THEMIS: variants seen among roughly 807,000 people sequenced by gnomAD.
THEMIS encodes the protein protein THEMIS.
A neutral mutation model predicts 52.6 loss-of-function variants in THEMIS; 37 were observed. The ratio of observed to expected loss-of-function variants is 0.70; its 90% confidence interval spans 0.54 to 0.93. The LOEUF is 0.93. Among genes scored for constraint, THEMIS ranks in the 40% least tolerant of loss-of-function variants. The pLI, the probability that THEMIS is intolerant of heterozygous loss-of-function variation, is 0.00. For synonymous variants in THEMIS, 292 were observed against 272.7 expected, an observed-to-expected ratio of 1.07 and a Z score of -0.70; for missense variants, 808 against 763.1, an observed-to-expected ratio of 1.06 and a Z score of -0.69.
intron 4 of THEMIS, among the ~76,000 whole-genome samples, chr6:127,739,036 G>C (rs976510884): frequency 1.3e-5 from 2 of 152,116 alleles, no homozygotes; most frequent in African/African-American, 4.8e-5. Context: ...ACCATTGCAA[G>C]CCCTGTCTTC....
intron 1 of THEMIS, among the ~76,000 whole-genome samples, chr6:127,885,798 C>CA (rs921598326): frequency 6.6e-6 from 1 of 152,108 alleles, no homozygotes; most frequent in African/African-American, 2.4e-5. Flanking sequence ...CTGAGTTAAA[C>CA]ACAACTATGC....
intron 4 of THEMIS, among the ~76,000 whole-genome samples, chr6:127,732,409 A>G (rs1022355782): frequency 6.6e-6 from 1 of 152,150 alleles, no homozygotes; most frequent in Non-Finnish European, 1.5e-5. Flanking sequence ...ACAATAGTAT[A>G]TAATACTTTC....
In THEMIS at chr6:127,741,464, C is replaced by T. The variant is rs184271911; in HGVS notation, c.1759-21641G>A. On this transcript the variant is annotated intron_variant, in intron 4 of 5. Coordinates refer to ENST00000368248, the MANE Select transcript of THEMIS (RefSeq NM_001010923.3). The stretch of plus-strand genomic sequence containing the variant: ...ATATATTATGTACCACACTCCATAA[C>T]AAAATAAAGATGCAAAAATAAACCA... Among the ~76,000 whole-genome samples the T allele has an allele frequency of 9.9e-5, 15 of 152,108 alleles. No individual in the cohort carries two copies. The East Asian group carries it at 2.5e-3, about 25-fold the overall frequency.
At chr6:127,727,071 T>C (rs1284165021) in intron 4 of THEMIS, among the ~76,000 whole-genome samples, 1 of 152,226 alleles carries the variant, frequency 6.6e-6, no homozygotes, top group Non-Finnish European at 1.5e-5. Flanking sequence ...TTAGAGACGC[T>C]ATGGCAAGTG....
chr6:127,725,724 T>G (rs1024362378), intron 4 of THEMIS, among the ~76,000 whole-genome samples: 1 of 152,100 alleles, frequency 6.6e-6, no homozygotes, highest in Non-Finnish European at 1.5e-5. Context: ...ATACTCAAAC[T>G]GCCCTTTCTG....
chr6:127,846,044 A>G (rs1779202665), intron 2 of THEMIS, among the ~76,000 whole-genome samples: 2 of 151,926 alleles, frequency 1.3e-5, no homozygotes, highest in Non-Finnish European at 2.9e-5. Context: ...TTCCCAAATG[A>G]ACAACAGAGC....
intron 4 of THEMIS, among the ~76,000 whole-genome samples, chr6:127,778,769 C>T (rs1427419499): frequency 6.7e-6 from 1 of 150,218 alleles, no homozygotes; most frequent in African/African-American, 2.4e-5. Flanking sequence ...GACAGTACTT[C>T]ATCCAGTTCG....
chr6:127,761,020 T>C (rs1776004191), intron 4 of THEMIS, among the ~76,000 whole-genome samples: 3 of 152,040 alleles, frequency 2.0e-5, no homozygotes, highest in South Asian at 4.1e-4. Flanking sequence ...ACCTATAGAA[T>C]GGGAGAAAAT....
At chr6:127,886,151 T>C (rs1780638063) in intron 1 of THEMIS, among the ~76,000 whole-genome samples, 1 of 152,144 alleles carries the variant, frequency 6.6e-6, no homozygotes, top group Non-Finnish European at 1.5e-5. Flanking sequence ...TGAAACACCA[T>C]TCACCCAGAC....
intron 4 of THEMIS, among the ~76,000 whole-genome samples, chr6:127,736,740 T>C (rs1253867657): frequency 6.6e-6 from 1 of 151,984 alleles, no homozygotes; most frequent in Non-Finnish European, 1.5e-5. Context: ...TTCTCTATAT[T>C]CTTCTATCTC....
chr6:127,787,887 A>AGAT (rs1777024942), intron 4 of THEMIS, among the ~76,000 whole-genome samples: 1 of 151,010 alleles, frequency 6.6e-6, no homozygotes, highest in Admixed American at 6.6e-5. Context: ...AGATATAGAT[A>AGAT]GATAGATAGA....
At chr6:127,816,281 A>G (rs189581862) in intron 3 of THEMIS, among the ~76,000 whole-genome samples, 7 of 151,982 alleles carry the variant, frequency 4.6e-5, no homozygotes, top group Admixed American at 2.6e-4. Context: ...CTCTATCTAC[A>G]CCCACGCCTA....
chr6:127,726,410 A>G (rs1562217105), intron 4 of THEMIS, among the ~76,000 whole-genome samples: 1 of 152,142 alleles, frequency 6.6e-6, no homozygotes. Flanking sequence ...CCTTGCTGTA[A>G]CTGATTAGAA....
At chr6:127,900,767 T>A (rs960039153) in intron 1 of THEMIS, 75 bp downstream of exon 1, 1 of 1,263,650 alleles carries the variant, frequency 7.9e-7, no homozygotes, top group East Asian at 2.3e-5. Context: ...CTGTTAAAAT[T>A]CCCCCCCTCC....
intron 4 of THEMIS, among the ~76,000 whole-genome samples, chr6:127,757,551 C>T (rs565509577): frequency 7.4e-4 from 112 of 151,860 alleles, no homozygotes; most frequent in African/African-American, 2.6e-3. Context: ...GGCGCTATCT[C>T]GGCTCACTGC....
chr6:127,915,921 AG>A (rs1262239825), intron 1 of THEMIS, among the ~76,000 whole-genome samples: 8 of 152,318 alleles, frequency 5.3e-5, no homozygotes, highest in Non-Finnish European at 7.4e-5. Context: ...CAGGAGGCAG[AG>A]GTTGCAGTGA....
chr6:127,884,708 C>T (rs1205239379), intron 1 of THEMIS, among the ~76,000 whole-genome samples: 5 of 152,032 alleles, frequency 3.3e-5, no homozygotes, highest in Admixed American at 6.6e-5. Context: ...CTCGTACTGC[C>T]GTAACAAAAT....
chr6:127,813,798 G>T lies in THEMIS; in HGVS notation c.843C>A (p.Phe281Leu). ...CTTCTATGACTTCAGTCACTATGGG[G>T]AACTCTTTACTAGTCATTTCAAAAA... ...EDLFEMTSKE[F>L]PIVTEVIEAP... The change falls in exon 4 of 6, where the codon TTC becomes TTA. Residue 281 changes from phenylalanine (F) to leucine (L), a missense_variant. Physicochemically the swap from Phe to Leu is conservative, Grantham distance 22 (BLOSUM62 0). Coordinates refer to ENST00000368248, the MANE Select transcript of THEMIS (RefSeq NM_001010923.3). 6.2e-7 allele frequency: 1 copy of T among 1,614,026 alleles called. No individual in the cohort carries two copies. The highest frequency in any genetic ancestry group is 2.2e-5 in the East Asian group (1 of 44,878).
intron 3 of THEMIS, among the ~76,000 whole-genome samples, chr6:127,818,872 G>A (rs1003227714): frequency 6.6e-6 from 1 of 151,610 alleles, no homozygotes; most frequent in Non-Finnish European, 1.5e-5. Context: ...GTAATCCCAG[G>A]ACTTTGGGAG....
Sources: allele counts gnomAD v4.1 joint callset (sites outside exome capture counted in the v4.1 genomes callset), GRCh38; gene constraint gnomAD v4.1.1; transcripts MANE v1.5; gene names NCBI Gene and HGNC (gene_info 2026-07-23, HGNC 2026-07-21).